The following VPS13B variants were observed in gnomAD, a reference collection of about 807,000 sequenced individuals.
VPS13B encodes vacuolar protein sorting 13 homolog B, also known as intermembrane lipid transfer protein VPS13B.
VPS13B carries 285 observed loss-of-function variants against 426.4 expected under a neutral mutation model. That is an observed-to-expected ratio of 0.67 (90% confidence interval 0.61 to 0.74). VPS13B has a LOEUF of 0.74. Among genes scored for constraint, VPS13B ranks in the 30% least tolerant of loss-of-function variants. The probability of loss-of-function intolerance (pLI) is 0.00; values close to 1 mark genes in which losing one functional copy is unlikely to be tolerated. For synonymous variants in VPS13B, 1,676 were observed against 1,676.4 expected, an observed-to-expected ratio of 1.00 and a Z score of 0.01; for missense variants, 4,537 against 4,782.6, an observed-to-expected ratio of 0.95 and a Z score of 1.51.
intron 33 of VPS13B, among the ~76,000 whole-genome samples, chr8:99,604,297 T>C (rs1827464863): frequency 6.6e-6 from 1 of 152,068 alleles, no homozygotes; most frequent in South Asian, 2.1e-4. Flanking sequence ...TATGGTACAT[T>C]TTCACAACTA....
At chr8:99,485,313 T>C (rs1820244207) in intron 25 of VPS13B, among the ~76,000 whole-genome samples, 1 of 152,178 alleles carries the variant, frequency 6.6e-6, no homozygotes, top group East Asian at 1.9e-4. Flanking sequence ...AATTATAAAA[T>C]TATTTCAGTG....
chr8:99,526,688 T>C (rs1340635907), intron 30 of VPS13B, among the ~76,000 whole-genome samples: 1 of 152,226 alleles, frequency 6.6e-6, no homozygotes, highest in Non-Finnish European at 1.5e-5. Flanking sequence ...GAATTTATTT[T>C]TGAAAATGTT....
chr8:99,286,937 A>G (rs1329708318), intron 19 of VPS13B, among the ~76,000 whole-genome samples: 1 of 152,132 alleles, frequency 6.6e-6, no homozygotes, highest in Non-Finnish European at 1.5e-5. Context: ...TTCTGGGATA[A>G]TTCTGTTGAC....
intron 14 of VPS13B, among the ~76,000 whole-genome samples, chr8:99,156,043 A>T (rs146728612): frequency 6.6e-6 from 1 of 151,772 alleles, no homozygotes; most frequent in Non-Finnish European, 1.5e-5. Context: ...AGCCCTTAAC[A>T]TGTGTATTGT....
chr8:99,387,007 A>G (rs1588318467), intron 20 of VPS13B, among the ~76,000 whole-genome samples: 2 of 152,160 alleles, frequency 1.3e-5, no homozygotes, highest in Admixed American at 1.3e-4. Context: ...AACAAATACC[A>G]TAACCCCACT....
intron 35 of VPS13B, among the ~76,000 whole-genome samples, chr8:99,685,248 T>C (rs986938206): frequency 1.3e-5 from 2 of 152,280 alleles, no homozygotes; most frequent in African/African-American, 2.4e-5. Flanking sequence ...ATATGGAATT[T>C]GTATTAGTTT....
At chr8:99,471,841 C>G in intron 24 of VPS13B, among the ~76,000 whole-genome samples, 1 of 152,114 alleles carries the variant, frequency 6.6e-6, no homozygotes, top group Admixed American at 6.6e-5. Flanking sequence ...AGTATTTACT[C>G]TCTGGCCCTT....
intron 7 of VPS13B, among the ~76,000 whole-genome samples, chr8:99,117,275 T>TA (rs891608823): frequency 7.9e-5 from 12 of 151,036 alleles, no homozygotes; most frequent in Middle Eastern, 3.4e-3. Context: ...ATGACTATAA[T>TA]AAAAAAAAAT....
chr8:99,186,613 A>G (rs982501154), intron 16 of VPS13B, among the ~76,000 whole-genome samples: 2 of 152,170 alleles, frequency 1.3e-5, no homozygotes, highest in African/African-American at 4.8e-5. Context: ...CTATACCCAA[A>G]TCATTTTAAA....
intron 3 of VPS13B, among the ~76,000 whole-genome samples, chr8:99,081,263 C>T (rs978931330): frequency 6.6e-6 from 1 of 152,176 alleles, no homozygotes; most frequent in African/African-American, 2.4e-5. Flanking sequence ...ACCTGTCTTT[C>T]TCAATCTGAC....
intron 16 of VPS13B, among the ~76,000 whole-genome samples, chr8:99,175,002 T>A (rs1315436229): frequency 1.3e-5 from 2 of 152,246 alleles, no homozygotes; most frequent in Admixed American, 6.5e-5. Flanking sequence ...TTTTTACTTT[T>A]TCTTAATGAT....
At chr8:99,828,392 CCGTTTTTTTTTTTTTTTTTTTTTTTTTT>C (rs1306406295) in intron 51 of VPS13B, among the ~76,000 whole-genome samples, 1 of 47,652 alleles carries the variant, frequency 2.1e-5, no homozygotes, top group South Asian at 8.6e-4. Context: ...ATTACAACCA[CCGTTTTTTTTTTTTTTTTTTTTTTTTTT>C]TTTTTTTTTT....
At chr8:99,632,624 T>A (rs1262608515) in intron 33 of VPS13B, among the ~76,000 whole-genome samples, 1 of 151,982 alleles carries the variant, frequency 6.6e-6, no homozygotes, top group Non-Finnish European at 1.5e-5. Context: ...ATTATTTTTA[T>A]GGAGTAGCAG....
At chr8:99,395,272 A>G (rs1195094711) in intron 21 of VPS13B, among the ~76,000 whole-genome samples, 1 of 152,222 alleles carries the variant, frequency 6.6e-6, no homozygotes, top group Non-Finnish European at 1.5e-5. Context: ...ATGCAGAGAA[A>G]GAGCCCCTGG....
intron 35 of VPS13B, chr8:99,696,965 C>T (rs915599038): frequency 3.9e-5 from 25 of 646,136 alleles, no homozygotes; most frequent in Non-Finnish European, 5.5e-5. Context: ...ACAACCTGAA[C>T]GTCAAGGGGC....
chr8:99,287,488 A>G (rs975375769), intron 19 of VPS13B, among the ~76,000 whole-genome samples: 2 of 152,068 alleles, frequency 1.3e-5, no homozygotes, highest in African/African-American at 2.4e-5. Flanking sequence ...AACACTTAAT[A>G]TAGTATTATT....
rs750066947 is a variant in VPS13B at position 99,134,723 on chromosome 8, T to C, written c.1298T>C (p.Val433Ala). The stretch of plus-strand genomic sequence containing the variant: ...TGTTGGGAACAAGAAGGAACTACAG[T>C]TGAGGTAATCTTTCAATATTGAACC... The part of the protein sequence containing the change: ...VLCWEQEGTT[V>A]EALMMGEPFF... The change falls in exon 9 of 62, where the codon GTT (valine) becomes GCT (alanine). Residue 433 changes from valine (V) to alanine (A), a missense_variant. Physicochemically the swap from Val to Ala is moderately conservative, Grantham distance 64. This residue lies in a region of VPS13B where 4,311 missense variants were observed against 4,474.3 expected (regional missense o/e 0.96). Coordinates refer to ENST00000357162, the MANE Select transcript of VPS13B (RefSeq NM_152564.5). 1.2e-5 allele frequency: 20 copies of C among 1,604,168 alleles called. No homozygotes were observed. Among genetic ancestry groups the C allele is most frequent in the Non-Finnish European group, 1.4e-5 (17 of 1,173,044 alleles).
At chr8:99,173,097 C>T (rs1370962122) in intron 16 of VPS13B, among the ~76,000 whole-genome samples, 3 of 152,120 alleles carry the variant, frequency 2.0e-5, no homozygotes, top group Non-Finnish European at 4.4e-5. Flanking sequence ...TGAGGGACTT[C>T]TAAGTTCCCA....
chr8:99,128,120 A>C (rs7463462), intron 8 of VPS13B, among the ~76,000 whole-genome samples: 111,496 of 151,760 alleles, frequency 0.73, 41,678 homozygotes, highest in South Asian at 0.87. Flanking sequence ...GCTGGGCATG[A>C]TGGCTCACAC....
Sources: gnomAD v4.1 joint callset for allele counts (sites outside exome capture counted in the v4.1 genomes callset) on GRCh38, gnomAD v4.1.1 for gene constraint, gnomAD v4.1.1 regional missense constraint, MANE v1.5 for transcripts, NCBI Gene and HGNC (gene_info 2026-07-23, HGNC 2026-07-21) for gene names.